Variants in ENOX1 observed in about 807,000 individuals in gnomAD.
ENOX1 encodes candidate growth-related and time keeping constitutive hydroquinone (NADH) oxidase.
In ENOX1, 42 loss-of-function variants were observed where a neutral mutation model predicts 82.5. That is an observed-to-expected ratio of 0.51 (90% CI 0.40 to 0.66). The LOEUF (loss-of-function observed/expected upper bound fraction) is 0.66, where lower values mean the gene tolerates loss of function less well. Among genes scored for constraint, ENOX1 ranks in the 30% least tolerant of loss-of-function variants. The probability of loss-of-function intolerance (pLI) is 0.00; values close to 1 mark genes in which losing one functional copy is unlikely to be tolerated. For synonymous variants in ENOX1, 271 were observed against 282.2 expected, an observed-to-expected ratio of 0.96 and a Z score of 0.40; for missense variants, 608 against 811.6, an observed-to-expected ratio of 0.75 and a Z score of 3.05.
intron 2 of ENOX1, among the ~76,000 whole-genome samples, chr13:43,532,513 G>C (rs946189311): frequency 6.6e-6 from 1 of 152,104 alleles, no homozygotes; most frequent in Non-Finnish European, 1.5e-5. Context: ...AAAAGCAATG[G>C]TTGGTAAAAC....
intron 3 of ENOX1, among the ~76,000 whole-genome samples, chr13:43,471,654 C>T (rs778791858): frequency 6.6e-5 from 10 of 151,548 alleles, no homozygotes; most frequent in Non-Finnish European, 1.3e-4. Context: ...ATTAAAAATA[C>T]AAAAAATTAG....
rs894741113 is a variant in ENOX1, at chr13:43,430,057, T to C, written c.-74-17069A>G. ...GTGAATGCATATAAAGTGTAAACAA[T>C]AGGCTCTCAACATGGAGCCTACCCA... is the stretch of plus-strand genomic sequence containing the variant. On this transcript the variant is annotated intron_variant, in intron 3 of 16. Coordinates refer to ENST00000690772, the MANE Select transcript of ENOX1 (RefSeq NM_001347969.2). 3.9e-5 allele frequency among the ~76,000 whole-genome samples: 6 copies of C among 152,240 alleles called. No homozygotes were observed. The East Asian group carries it at 5.8e-4, about 15-fold the overall frequency.
chr13:43,265,414 C>T lies in ENOX1; in HGVS notation c.1595G>A (p.Ser532Asn), dbSNP rs1182802135. 1 of 1,612,356 alleles carries T rather than the reference C, an allele frequency of 6.2e-7. No homozygotes were observed. Among genetic ancestry groups the T allele is most frequent in the South Asian group, 1.1e-5 (1 of 90,626 alleles). ...GGTACCTACATTTGAATCCTCATGG[C>T]TGTGGCCATTGGTCTCGACCAATTC... ...TKELVETNGH[S>N]HEDSNEINVL... Residue 532 changes from serine to asparagine, a missense_variant, in exon 14 of 17, where the codon AGC becomes AAC. Ser to Asn is a conservative substitution (Grantham distance 46, BLOSUM62 1). Coordinates refer to ENST00000690772, the MANE Select transcript of ENOX1 (RefSeq NM_001347969.2).
intron 9 of ENOX1, among the ~76,000 whole-genome samples, chr13:43,334,047 C>G (rs2048564648): frequency 6.6e-6 from 1 of 152,240 alleles, no homozygotes; most frequent in South Asian, 2.1e-4. Context: ...TGAGAACTCA[C>G]TAGAAAGGCA....
intron 2 of ENOX1, among the ~76,000 whole-genome samples, chr13:43,522,331 G>A (rs1178826097): frequency 1.3e-5 from 2 of 151,990 alleles, no homozygotes; most frequent in Non-Finnish European, 2.9e-5. Flanking sequence ...ATAAAAAATT[G>A]TATTAGTCAT....
At chr13:43,521,892 A>C (rs1454937473) in intron 2 of ENOX1, among the ~76,000 whole-genome samples, 1 of 152,110 alleles carries the variant, frequency 6.6e-6, no homozygotes, top group Non-Finnish European at 1.5e-5. Flanking sequence ...AGTGGCCCTA[A>C]ATGAAAATTT....
rs149301585 is a variant in ENOX1 at position 43,660,780 on chromosome 13, A to G, written c.-219+6699T>C. Among the ~76,000 whole-genome samples the G allele has an allele frequency of 3.3e-5, 5 of 152,352 alleles. No homozygotes were observed. The East Asian group carries it at 5.8e-4, about 18-fold the overall frequency. ...AAGGACCTTAAACTCCATTTTGAAA[A>G]ATAAGTGTTACAGACATTTCTTCTG... On this transcript the variant is annotated intron_variant, in intron 2 of 16. Transcript: ENST00000690772.
chr13:43,450,185 T>C (rs955106408), intron 3 of ENOX1, among the ~76,000 whole-genome samples: 3 of 152,194 alleles, frequency 2.0e-5, no homozygotes, highest in Admixed American at 6.5e-5. Flanking sequence ...ATGAGGTGGC[T>C]TAGTATCCTC....
chr13:43,326,065 C>CT (rs1188038357), intron 10 of ENOX1, among the ~76,000 whole-genome samples: 19 of 150,394 alleles, frequency 1.3e-4, no homozygotes, highest in Non-Finnish European at 1.8e-4. Flanking sequence ...ACGTAGAACA[C>CT]TAAAAAAAAA....
intron 15 of ENOX1, among the ~76,000 whole-genome samples, chr13:43,235,179 A>G (rs762370288): frequency 2.6e-5 from 4 of 152,228 alleles, no homozygotes; most frequent in Non-Finnish European, 5.9e-5. Context: ...GGTTCCTGGA[A>G]CTGATAGCAC....
chr13:43,291,698 G>A (rs2046008341), intron 12 of ENOX1, among the ~76,000 whole-genome samples: 2 of 152,166 alleles, frequency 1.3e-5, no homozygotes, highest in Non-Finnish European at 1.5e-5. Context: ...TTCAAAGACT[G>A]GGTTAAAGGT....
chr13:43,319,483 AGG>A (rs1216018335), intron 11 of ENOX1, among the ~76,000 whole-genome samples: 2 of 152,240 alleles, frequency 1.3e-5, no homozygotes, highest in Admixed American at 6.5e-5. Flanking sequence ...AGTAAACCCA[AGG>A]TATCATATAA....
chr13:43,217,953 A>G (rs1423698596), intron 16 of ENOX1, among the ~76,000 whole-genome samples: 1 of 152,170 alleles, frequency 6.6e-6, no homozygotes, highest in African/African-American at 2.4e-5. Flanking sequence ...AGTAGCACTT[A>G]TTGTGTGCCA....
chr13:43,560,504 A>G (rs61959547), intron 2 of ENOX1, among the ~76,000 whole-genome samples: 5,279 of 152,086 alleles, frequency 0.035, 142 homozygotes, highest in Non-Finnish European at 0.05. Flanking sequence ...TAATGAGGCC[A>G]TCTTTGCTTG....
intron 1 of ENOX1, among the ~76,000 whole-genome samples, chr13:43,736,282 G>A (rs2089625963): frequency 1.3e-5 from 2 of 152,018 alleles, no homozygotes; most frequent in South Asian, 4.2e-4. Flanking sequence ...ATGAAACATG[G>A]TAGTTTGCTT....
intron 2 of ENOX1, chr13:43,609,837 C>A (rs1437764940): frequency 1.4e-6 from 1 of 705,198 alleles, no homozygotes; most frequent in South Asian, 6.4e-5. Flanking sequence ...TTTAAAAGGA[C>A]CATTACAAAA....
Position 43,556,445 on chromosome 13 carries a change from T to C in ENOX1, c.-218-72293A>G, listed in dbSNP as rs1339124211. Among the ~76,000 whole-genome samples, 3 of 152,180 alleles carry C rather than the reference T, an allele frequency of 2.0e-5. No homozygotes were observed. In the East Asian group the frequency reaches 5.8e-4, roughly 29 times the overall value. On this transcript the variant is annotated intron_variant, in intron 2 of 16. Coordinates refer to ENST00000690772, the MANE Select transcript of ENOX1 (RefSeq NM_001347969.2). ...TGCAGTCATACTGTTTAATTAAAAA[T>C]AGGTTTTTTTCTTATAAGCTCAAAT...
Position 43,786,288 on chromosome 13 carries a change from G to T in ENOX1, c.-285+364C>A, listed in dbSNP as rs1342201724. Among the ~76,000 whole-genome samples the T allele has an allele frequency of 6.6e-6, 1 of 152,192 alleles. No individual in the cohort carries two copies. On this transcript the variant is annotated intron_variant, in intron 1 of 16. Transcript: ENST00000690772. The surrounding 1 kb of genome is among the most constrained non-coding windows in gnomAD (Gnocchi z 6.0). ...GCCCGCAGGGGGAGACGGGTGCGGGGTGCGCTGTCCAAGGTGCAGGGGAGG... is the reference window on the plus strand; with the variant it reads ...GCCCGCAGGGGGAGACGGGTGCGGGTTGCGCTGTCCAAGGTGCAGGGGAGG...
chr13:43,296,994 C>T (rs992222890), intron 12 of ENOX1, among the ~76,000 whole-genome samples: 2 of 152,138 alleles, frequency 1.3e-5, no homozygotes, highest in Non-Finnish European at 2.9e-5. Flanking sequence ...GCTGTTACAT[C>T]GATTTTCAAG....
Sources: gnomAD v4.1 joint callset for allele counts (sites outside exome capture counted in the v4.1 genomes callset) on GRCh38, gnomAD v4.1.1 for gene constraint, Gnocchi (gnomAD v3.1) non-coding constraint, MANE v1.5 for transcripts, NCBI Gene and HGNC (gene_info 2026-07-23, HGNC 2026-07-21) for gene names.